Variants in CNIH3 observed in about 807,000 individuals in gnomAD.
The protein encoded by CNIH3 is cornichon family AMPA receptor auxiliary protein 3, also known as protein cornichon homolog 3.
CNIH3 carries 14 observed loss-of-function variants against 24.1 expected under a neutral mutation model. The observed-to-expected ratio is 0.58, with a 90% CI of 0.38 to 0.91. The LOEUF (loss-of-function observed/expected upper bound fraction) is 0.91. CNIH3 is among the 40% of genes least tolerant of loss of function. The pLI, the probability that CNIH3 is intolerant of heterozygous loss-of-function variation, is 0.00. For synonymous variants in CNIH3, 68 were observed against 73.8 expected (o/e 0.92, Z 0.40); for missense variants, 178 against 196.8 (o/e 0.90, Z 0.57).
At chr1:224,516,312 CAAAAAAAAAAAA>C (rs71574505) in intron 1 of CNIH3, among the ~76,000 whole-genome samples, 2 of 67,750 alleles carry the variant, frequency 3.0e-5, no homozygotes, top group African/African-American at 4.5e-5. Flanking sequence ...GACTCTGTCT[CAAAAAAAAAAAA>C]AAAAAAAAAA....
At position 224,616,410 on chromosome 1, in the gene CNIH3, C is replaced by G. The variant is rs1284805836; in HGVS notation, c.-765C>G. The G allele has an allele frequency of 1.0e-6, 1 of 957,564 alleles. No homozygotes were observed. The highest frequency in any genetic ancestry group is 1.3e-6 in the Non-Finnish European group (1 of 799,192). 59.3% of individuals were successfully genotyped at this position (957,564 alleles called of 1,614,324 possible). A position where few individuals can be genotyped will look rare whatever the true frequency, so the allele number is the denominator to read the frequency against. On this transcript the variant is annotated 5_prime_UTR_variant, in exon 1 of 6. Coordinates refer to ENST00000272133, the MANE Select transcript of CNIH3 (RefSeq NM_152495.2). Reference sequence around the variant, plus strand: ...GCCTGAAACCCACTGCTGCAGCCACCCGGGCTGGAGTTGGCCCGTTGGGTG... The same window carrying G: ...GCCTGAAACCCACTGCTGCAGCCACGCGGGCTGGAGTTGGCCCGTTGGGTG...
chr1:224,579,577 C>T (rs1681184928), intron 4 of CNIH3, among the ~76,000 whole-genome samples: 2 of 152,062 alleles, frequency 1.3e-5, no homozygotes, highest in Admixed American at 1.3e-4. Context: ...GATATTTGAC[C>T]CCTGCAAACC....
In CNIH3 at chr1:224,704,577, G is replaced by A. The variant is rs953188375; in HGVS notation, c.198+19734G>A. Among the ~76,000 whole-genome samples, 15 of 152,078 alleles carry A rather than the reference G, an allele frequency of 9.9e-5. 1 individual carries two copies. The highest frequency in any genetic ancestry group is 1.5e-5 in the Non-Finnish European group (1 of 68,030). ...TCAGTTTGCCACATTTGCCTTCTCA[G>A]CTCTTCCCCATCCCCCGTGTATGTA... On this transcript the variant is annotated intron_variant, in intron 3 of 5. Transcript: ENST00000272133. The surrounding 1 kb of genome is among the most constrained non-coding windows in gnomAD (Gnocchi z 4.2).
At chr1:224,724,927 C>T (rs1440006747) in intron 3 of CNIH3, among the ~76,000 whole-genome samples, 3 of 152,008 alleles carry the variant, frequency 2.0e-5, no homozygotes, top group African/African-American at 7.3e-5. Context: ...ATAATAATGA[C>T]CGGCCAGGCA....
rs1349199923 is a variant in CNIH3 at position 224,645,052 on chromosome 1, AAC to A, written c.81+27799_81+27800del. On this transcript the variant is annotated intron_variant, in intron 1 of 5. Transcript: ENST00000272133. Reference sequence around the variant, plus strand: ...GGCTGCCTCACCACTGGGAGTGGCGAACAGTGTGAATCTCTGCTGGCCTTCTC... The same window carrying A: ...GGCTGCCTCACCACTGGGAGTGGCGAAGTGTGAATCTCTGCTGGCCTTCTC... Among the ~76,000 whole-genome samples the A allele has an allele frequency of 2.6e-5, 4 of 152,208 alleles. No homozygotes were observed. The South Asian group carries it at 6.2e-4, about 24-fold the overall frequency.
rs1182248594 is a variant in CNIH3, at chr1:224,739,663, A to G, written c.*307A>G. On this transcript the variant is annotated 3_prime_UTR_variant, in exon 6 of 6. Coordinates refer to ENST00000272133, the MANE Select transcript of CNIH3 (RefSeq NM_152495.2). ...AACACTAGACCTCTCCTGAGAGAGA[A>G]TTGCTGCTTCCTGAATCCACTTCAT... 7 of 466,660 alleles carry G rather than the reference A, an allele frequency of 1.5e-5. 1 individual carries two copies. The South Asian group carries it at 2.2e-4, about 14-fold the overall frequency. 28.9% of individuals were successfully genotyped at this position (466,660 alleles called of 1,614,324 possible). A position where few individuals can be genotyped will look rare whatever the true frequency, so the allele number is the denominator to read the frequency against.
At chr1:224,495,574 C>A (rs921220108) in intron 1 of CNIH3, among the ~76,000 whole-genome samples, 1 of 152,166 alleles carries the variant, frequency 6.6e-6, no homozygotes, top group African/African-American at 2.4e-5. Context: ...TCCATAGATG[C>A]AGTCTTACAG....
At chr1:224,650,347 A>G (rs1315104127) in intron 1 of CNIH3, among the ~76,000 whole-genome samples, 1 of 152,210 alleles carries the variant, frequency 6.6e-6, no homozygotes, top group Non-Finnish European at 1.5e-5. Context: ...TCGATCAAGC[A>G]GGGAGGCTGA....
At chr1:224,493,646 G>A (rs4653588) in intron 1 of CNIH3, among the ~76,000 whole-genome samples, 125,254 of 152,112 alleles carry the variant, frequency 0.82, 52,104 homozygotes, top group East Asian at 0.97. Context: ...ACAGTAAAAA[G>A]TATTGGAATT....
At chr1:224,668,580 C>T (rs1685709465) in intron 1 of CNIH3, among the ~76,000 whole-genome samples, 1 of 152,160 alleles carries the variant, frequency 6.6e-6, no homozygotes, top group Non-Finnish European at 1.5e-5. Context: ...TGGGTGCATG[C>T]TCCCCCAAAG....
chr1:224,647,755 G>C (rs1351051366), intron 1 of CNIH3, among the ~76,000 whole-genome samples: 1 of 152,086 alleles, frequency 6.6e-6, no homozygotes, highest in Non-Finnish European at 1.5e-5. Context: ...AGCCAGCAGG[G>C]CAGAGGGAAG....
chr1:224,538,830 ATTTTT>A (rs71574506), downstream of CNIH3, among the ~76,000 whole-genome samples: 36 of 124,232 alleles, frequency 2.9e-4, no homozygotes, highest in Non-Finnish European at 5.0e-4. Flanking sequence ...AGCTAATTAC[ATTTTT>A]TTTTTTTTTT....
At chr1:224,727,030 G>A (rs1049130687) in intron 3 of CNIH3, among the ~76,000 whole-genome samples, 5 of 152,184 alleles carry the variant, frequency 3.3e-5, no homozygotes, top group Admixed American at 2.0e-4. Flanking sequence ...GGGAGGGAAC[G>A]CCTGGTCTGA....
At chr1:224,689,109 C>T (rs948209682) in intron 3 of CNIH3, among the ~76,000 whole-genome samples, 1 of 152,026 alleles carries the variant, frequency 6.6e-6, no homozygotes, top group South Asian at 2.1e-4. Flanking sequence ...CAGCCACTTC[C>T]GGGACTTTTA....
intron 1 of CNIH3, among the ~76,000 whole-genome samples, chr1:224,457,328 C>T (rs12139210): frequency 1.3e-5 from 2 of 150,500 alleles, no homozygotes; most frequent in Non-Finnish European, 3.0e-5. Flanking sequence ...TCCGTGTCCT[C>T]TTCTGTTCTC....
At chr1:224,686,675 C>A (rs1686676311) in intron 3 of CNIH3, among the ~76,000 whole-genome samples, 1 of 152,174 alleles carries the variant, frequency 6.6e-6, no homozygotes, top group Non-Finnish European at 1.5e-5. Context: ...ATATACCATC[C>A]TGTATTCTCT....
intron 3 of CNIH3, among the ~76,000 whole-genome samples, chr1:224,716,676 G>A (rs573284931): frequency 1.3e-5 from 2 of 152,262 alleles, no homozygotes; most frequent in African/African-American, 4.8e-5. Context: ...GGAATTTTGA[G>A]GCACCCAGGA....
intron 1 of CNIH3, among the ~76,000 whole-genome samples, chr1:224,451,245 G>A (rs1675386062): frequency 6.6e-6 from 1 of 152,190 alleles, no homozygotes; most frequent in African/African-American, 2.4e-5. Flanking sequence ...AAGAGCCGTG[G>A]CTCGGGGCAG....
At chr1:224,504,000 T>C (rs995176339) in intron 1 of CNIH3, among the ~76,000 whole-genome samples, 4 of 152,208 alleles carry the variant, frequency 2.6e-5, no homozygotes, top group African/African-American at 9.6e-5. Context: ...CCTGGTTTAG[T>C]TATTAGTGGA....
Sources: gnomAD v4.1 joint callset for allele counts (sites outside exome capture counted in the v4.1 genomes callset) on GRCh38, gnomAD v4.1.1 for gene constraint, Gnocchi (gnomAD v3.1) non-coding constraint, MANE v1.5 for transcripts, NCBI Gene and HGNC (gene_info 2026-07-23, HGNC 2026-07-21) for gene names.